Variants in DNAAF1 observed in about 807,000 individuals in gnomAD.
The protein encoded by DNAAF1 is dynein axonemal assembly factor 1, also known as dynein assembly factor 1, axonemal.
In DNAAF1, 65 loss-of-function variants were observed where a neutral mutation model predicts 71.1. That is an observed-to-expected ratio of 0.91 (90% CI 0.75 to 1.12). The LOEUF (loss-of-function observed/expected upper bound fraction) is 1.12. Ranked by LOEUF, DNAAF1 falls within the 50% of genes most tolerant of loss-of-function variation. DNAAF1 has a pLI of 0.00. For synonymous variants in DNAAF1, 414 were observed against 354.6 expected (o/e 1.17, Z -1.88); for missense variants, 1,178 against 899.8 (o/e 1.31, Z -3.96).
At position 84,148,248 on chromosome 16, in the gene DNAAF1, A is replaced by C. The variant is rs554038120; in HGVS notation, c.125-759A>C. On this transcript the variant is annotated intron_variant, in intron 1 of 11. Transcript: ENST00000378553. ...GTATAGTATTGCTTTGCATATTTTT[A>C]ATTTATATATGGTATCCTGTGCTTA... 7.9e-5 allele frequency among the ~76,000 whole-genome samples: 12 copies of C among 152,090 alleles called. No homozygotes were observed. In the South Asian group the frequency reaches 2.5e-3, roughly 32 times the overall value.
intron 1 of DNAAF1, among the ~76,000 whole-genome samples, chr16:84,147,664 A>G (rs2086974696): frequency 6.6e-6 from 1 of 152,164 alleles, no homozygotes; most frequent in South Asian, 2.1e-4. Flanking sequence ...AGAACATTAA[A>G]ACAAATACCC....
At chr16:84,150,482 G>T in intron 3 of DNAAF1, 140 bp downstream of exon 3, 1 of 740,812 alleles carries the variant, frequency 1.3e-6, no homozygotes, top group South Asian at 1.5e-5. Flanking sequence ...GAGATTTATG[G>T]AAAAGGAATA....
At chr16:84,172,897 C>T (rs2088442622) in intron 9 of DNAAF1, 1 of 1,008,784 alleles carries the variant, frequency 9.9e-7, no homozygotes, top group Non-Finnish European at 1.2e-6. Flanking sequence ...TGTTTGATCG[C>T]AGCCTTGCCT....
intron 6 of DNAAF1, among the ~76,000 whole-genome samples, chr16:84,160,338 T>C (rs2087641127): frequency 6.6e-6 from 1 of 152,230 alleles, no homozygotes; most frequent in Non-Finnish European, 1.5e-5. Flanking sequence ...CCAAGTTTCT[T>C]TTTGAAGTGC....
intron 11 of DNAAF1, chr16:84,176,611 C>G (rs964601962): frequency 1.3e-5 from 6 of 454,724 alleles, no homozygotes; most frequent in African/African-American, 1.2e-4. Context: ...GCCTAATGAC[C>G]GTGCATTTCC....
At chr16:84,150,958 T>A (rs1329666095) in intron 3 of DNAAF1, among the ~76,000 whole-genome samples, 1 of 152,238 alleles carries the variant, frequency 6.6e-6, no homozygotes, top group East Asian at 1.9e-4. Context: ...GTAAGTACTT[T>A]GGGGTTGGGA....
intron 9 of DNAAF1, chr16:84,173,079 G>A (rs2088452091): frequency 1.0e-6 from 1 of 986,886 alleles, no homozygotes; most frequent in Non-Finnish European, 1.2e-6. Flanking sequence ...ATACCTTGGA[G>A]AGGTGGTCCC....
intron 1 of DNAAF1, among the ~76,000 whole-genome samples, chr16:84,145,869 G>A (rs953078384): frequency 2.0e-5 from 3 of 152,092 alleles, no homozygotes; most frequent in Non-Finnish European, 4.4e-5. Flanking sequence ...CGAGGCGGGC[G>A]GATCATCAGG....
chr16:84,177,175 G>T, intron 11 of DNAAF1: 1 of 185,484 alleles, frequency 5.4e-6, no homozygotes, highest in Non-Finnish European at 1.2e-5. Flanking sequence ...AACACTGAGT[G>T]GCCTTCTCTT....
Position 84,177,859 on chromosome 16 carries a change from T to G in DNAAF1, c.*18T>G. ...CATCATAGTTTTCCCCAGTTATATG[T>G]AGCATAAATGGTTTAATCATAAATG... On this transcript the variant is annotated 3_prime_UTR_variant, in exon 12 of 12. Transcript: ENST00000378553. The G allele has an allele frequency of 6.3e-7, 1 of 1,587,208 alleles. No homozygotes were observed. The highest frequency in any genetic ancestry group is 8.7e-7 in the Non-Finnish European group (1 of 1,155,638).
intron 4 of DNAAF1, 98 bp from the exon 5 acceptor site, chr16:84,155,485 C>T: frequency 2.9e-6 from 4 of 1,368,728 alleles, no homozygotes; most frequent in Non-Finnish European, 4.1e-6. Flanking sequence ...CCGCTTTAGC[C>T]TTCCAAAGTG....
chr16:84,173,036 A>G (rs2088449509), intron 9 of DNAAF1: 2 of 990,392 alleles, frequency 2.0e-6, no homozygotes, highest in Non-Finnish European at 2.4e-6. Flanking sequence ...TGGGGCACGA[A>G]TAGGAGAGGC....
At chr16:84,172,667 A>G in intron 9 of DNAAF1, 1 of 1,260,782 alleles carries the variant, frequency 7.9e-7, no homozygotes, top group African/African-American at 1.5e-5. Flanking sequence ...CAAACTCTTG[A>G]TTCCTTTTTG....
intron 2 of DNAAF1, 84 bp downstream of exon 2, chr16:84,149,226 G>T: frequency 1.3e-6 from 2 of 1,545,172 alleles, no homozygotes; most frequent in Non-Finnish European, 1.8e-6. Flanking sequence ...TAATGAAATA[G>T]AGGCTGGTAG....
Position 84,165,863 on chromosome 16 carries a change from A to G in DNAAF1, c.944A>G (p.Lys315Arg). ...CAGCAGTGGGAGAGCAGGGAGCGGA[A>G]GAAGATCACAGACAGCATTGAAGCC... ...ERQQWESRER[K>R]KITDSIEALA... The change falls in exon 7 of 12, where the codon AAG becomes AGG. Residue 315 changes from lysine (K) to arginine (R), a missense_variant. Transcript: ENST00000378553. 1 of 1,613,520 alleles carries G rather than the reference A, an allele frequency of 6.2e-7. No homozygotes were observed. Among genetic ancestry groups the G allele is most frequent in the Non-Finnish European group, 8.5e-7 (1 of 1,179,918 alleles).
chr16:84,174,444 G>A, intron 9 of DNAAF1: 1 of 1,420,508 alleles, frequency 7.0e-7, no homozygotes, highest in Non-Finnish European at 9.2e-7. Context: ...GTCACACCTT[G>A]CAAGTTCCCT....
intron 5 of DNAAF1, chr16:84,159,020 C>T (rs2087573133): frequency 2.0e-6 from 2 of 986,756 alleles, no homozygotes; most frequent in Non-Finnish European, 2.4e-6. Flanking sequence ...AGTGAGCCAC[C>T]ATGCCCAGCC....
Position 84,172,375 on chromosome 16 carries a change from T to G in DNAAF1, c.1644T>G (p.Asp548Glu), listed in dbSNP as rs150726521. Residue 548 changes from aspartate to glutamate, a missense_variant and splice_region_variant, in exon 9 of 12, where the codon GAT (aspartate) becomes GAG (glutamate). Physicochemically the swap from Asp to Glu is conservative, Grantham distance 45. Transcript: ENST00000378553. ...AGACAAAGGAGACATTCTGCATTGATGTACATGAAGTATTTAATCTTGGAG... is the reference window on the plus strand; with the variant it reads ...AGACAAAGGAGACATTCTGCATTGAGGTACATGAAGTATTTAATCTTGGAG... ...RLETKETFCI[D>E]DLPDLEDDDE... 2.0e-5 allele frequency: 32 copies of G among 1,613,844 alleles called. 1 individual carries two copies. In the African/African-American group the frequency reaches 3.2e-4, roughly 16 times the overall value.
rs1287215005 is a variant in DNAAF1, at chr16:84,148,582, T to TTCTCTCTCTCTCTC, written c.125-423_125-410dup. Among the ~76,000 whole-genome samples the TTCTCTCTCTCTCTC allele has an allele frequency of 1.6e-4, 19 of 117,532 alleles. No homozygotes were observed. The South Asian group carries it at 4.4e-3, about 27-fold the overall frequency. The allele number at this position is 117,532 out of a possible 152,430, so 77.1% of individuals were successfully genotyped here. ...ATTGTTACACATTTAAAGATTACTG[T>TTCTCTCTCTCTCTC]TCTCTCTCTCTCTCTTTTTTTTTTT... On this transcript the variant is annotated intron_variant, in intron 1 of 11. Coordinates refer to ENST00000378553, the MANE Select transcript of DNAAF1 (RefSeq NM_178452.6).
Sources: gnomAD v4.1 joint callset for allele counts (sites outside exome capture counted in the v4.1 genomes callset) on GRCh38, gnomAD v4.1.1 for gene constraint, MANE v1.5 for transcripts, NCBI Gene and HGNC (gene_info 2026-07-23, HGNC 2026-07-21) for gene names.